ABCF2: variants seen among roughly 807,000 people sequenced by gnomAD.
The protein encoded by ABCF2 is ATP-binding cassette sub-family F member 2.
A neutral mutation model predicts 76.9 loss-of-function variants in ABCF2; 37 were observed. That is an observed-to-expected ratio of 0.48 (90% CI 0.37 to 0.63). The LOEUF is 0.63. ABCF2 is among the 30% of genes least tolerant of loss of function. The pLI, the probability that ABCF2 is intolerant of heterozygous loss-of-function variation, is 0.00. For synonymous variants in ABCF2, 299 were observed against 283.7 expected, an observed-to-expected ratio of 1.05 and a Z score of -0.54; for missense variants, 524 against 782.1, an observed-to-expected ratio of 0.67 and a Z score of 3.94.
At position 151,216,483 on chromosome 7, in the gene ABCF2, T is replaced by A. The variant is rs552596236; in HGVS notation, c.1339-454A>T. On this transcript the variant is annotated intron_variant, in intron 11 of 14. Transcript: ENST00000287844. ...AACAAGAATTAGGTTCCTGCAGCAT[T>A]TTTGGTCACAAAAAAAGATCACCAA... Among the ~76,000 whole-genome samples the A allele has an allele frequency of 2.0e-5, 3 of 152,314 alleles. No homozygotes were observed. In the East Asian group the frequency reaches 5.8e-4, roughly 29 times the overall value.
rs1319453943 is a variant in ABCF2, at chr7:151,218,204, T to C, written c.1228-13A>G. The C allele has an allele frequency of 1.9e-6, 3 of 1,564,370 alleles. No individual in the cohort carries two copies. Among genetic ancestry groups the C allele is most frequent in the Non-Finnish European group, 2.6e-6 (3 of 1,135,032 alleles). On this transcript the variant is annotated splice_polypyrimidine_tract_variant and intron_variant, in intron 10 of 14. Coordinates refer to ENST00000287844, the MANE Select transcript of ABCF2 (RefSeq NM_007189.3). ...TGTAGATGCAAGGCTGAGGTGGGGA[T>C]GAGAGAGATGTGGACACAAGGCTAG...
At position 151,214,026 on chromosome 7, in the gene ABCF2, G is replaced by A. The variant is rs559954525; in HGVS notation, c.*28C>T. ...TAGCAGCTGTTAGTTCCCAGATGGA[G>A]CTCCTGACCCGAACCCAGGTAGAGG... is the stretch of plus-strand genomic sequence containing the variant. On this transcript the variant is annotated 3_prime_UTR_variant, in exon 15 of 15. Coordinates refer to ENST00000287844, the MANE Select transcript of ABCF2 (RefSeq NM_007189.3). The surrounding 1 kb of genome is among the most constrained non-coding windows in gnomAD (Gnocchi z 4.9). 5 of 1,610,448 alleles carry A rather than the reference G, an allele frequency of 3.1e-6. No individual in the cohort carries two copies. In the Admixed American group the frequency reaches 6.7e-5, roughly 22 times the overall value.
intron 3 of ABCF2, among the ~76,000 whole-genome samples, chr7:151,224,444 C>G (rs1207022600): frequency 6.6e-6 from 1 of 152,130 alleles, no homozygotes. Context: ...GCTCCAAAAT[C>G]CAAAACCTTT....
Position 151,218,648 on chromosome 7 carries a change from T to C in ABCF2, c.1140A>G (p.Thr380=), listed in dbSNP as rs1330880706. Residue 380 remains threonine, a splice_region_variant and synonymous_variant, in exon 10 of 15, where the codon ACA becomes ACG. Transcript: ENST00000287844. ...CACATGGTGGGAAATAAAATGACAG[T>C]GTCTAGGAAGAAAAGAGGGCATTTA... The part of the protein sequence containing the change: ...GLTERVVSDK[T]LSFYFPPCGK... The C allele has an allele frequency of 1.2e-6, 2 of 1,614,046 alleles. No individual in the cohort carries two copies. The highest frequency in any genetic ancestry group is 1.7e-6 in the Non-Finnish European group (2 of 1,179,966).
chr7:151,214,567 A>G lies in ABCF2; in HGVS notation c.1734+312T>C, dbSNP rs975591466. ...TAATCAAAATCCTCCTTAGAATACT[A>G]TTTTTGGACTGAAGAATCTTGGGAC... On this transcript the variant is annotated intron_variant, in intron 14 of 14. Transcript: ENST00000287844. This position sits in a 1 kb window ranked among gnomAD's most constrained non-coding sequence, Gnocchi z 4.9. 6.6e-6 allele frequency among the ~76,000 whole-genome samples: 1 copy of G among 152,150 alleles called. No individual in the cohort carries two copies. Among genetic ancestry groups the G allele is most frequent in the African/African-American group, 2.4e-5 (1 of 41,436 alleles).
Position 151,214,771 on chromosome 7 carries a change from C to G in ABCF2, c.1734+108G>C. 1 of 1,077,898 alleles carries G rather than the reference C, an allele frequency of 9.3e-7. No individual in the cohort carries two copies. Among genetic ancestry groups the G allele is most frequent in the Non-Finnish European group, 1.4e-6 (1 of 724,242 alleles). 66.8% of individuals were successfully genotyped at this position (1,077,898 alleles called of 1,614,324 possible). A position where few individuals can be genotyped will look rare whatever the true frequency, so the allele number is the denominator to read the frequency against. ...CCACCTGTGTCTACACTCTGAGCCC[C>G]TTCTCTTAATTCAGTAGGCGGGTAT... On this transcript the variant is annotated intron_variant, in intron 14 of 14. Transcript: ENST00000287844. The surrounding 1 kb of genome is among the most constrained non-coding windows in gnomAD (Gnocchi z 4.9).
intron 2 of ABCF2, among the ~76,000 whole-genome samples, chr7:151,225,261 C>T (rs918961982): frequency 6.6e-6 from 1 of 152,168 alleles, no homozygotes; most frequent in Non-Finnish European, 1.5e-5. Flanking sequence ...CTTTATTGCT[C>T]TTTCTAATTG....
rs923247421 is a variant in ABCF2, at chr7:151,219,141, C to A, written c.940G>T (p.Val314Leu). The change falls in exon 8 of 15, where the codon GTG (valine) becomes TTG (leucine). Residue 314 changes from valine (V) to leucine (L), a missense_variant. Val to Leu is a conservative substitution (Grantham distance 32). Transcript: ENST00000287844. ...KYYTGNYDQY[V>L]KTRLELEENQ... ...TCCTCCAGCTCTAGCCGCGTCTTCA[C>A]GTACTGATCATAATTACCCTGCATG... is the stretch of plus-strand genomic sequence containing the variant. 6.2e-7 allele frequency: 1 copy of A among 1,613,962 alleles called. No individual in the cohort carries two copies. Among genetic ancestry groups the A allele is most frequent in the East Asian group, 2.2e-5 (1 of 44,854 alleles).
At chr7:151,224,692 AAC>A in intron 3 of ABCF2, 82 bp downstream of exon 3, 2 of 1,314,286 alleles carry the variant, frequency 1.5e-6, no homozygotes, top group Non-Finnish European at 2.2e-6. Flanking sequence ...CTTTGCTCTG[AAC>A]ACAGTTGATG....
At chr7:151,217,783 C>T (rs1258778697) in intron 11 of ABCF2, among the ~76,000 whole-genome samples, 2 of 150,306 alleles carry the variant, frequency 1.3e-5, no homozygotes, top group African/African-American at 5.0e-5. Flanking sequence ...CAGAGCGAGA[C>T]TCCACCTCAA....
At position 151,221,634 on chromosome 7, in the gene ABCF2, T is replaced by G. The variant is rs1222448643; in HGVS notation, c.865A>C (p.Asn289His). 1 of 1,613,024 alleles carries G rather than the reference T, an allele frequency of 6.2e-7. No homozygotes were observed. The highest frequency in any genetic ancestry group is 1.1e-5 in the South Asian group (1 of 91,064). The change falls in exon 7 of 15, where the codon AAT (asparagine) becomes CAT (histidine). Residue 289 changes from asparagine to histidine, a missense_variant. Around this residue, in one of 2 missense-constraint regions of ABCF2, gnomAD observed 330 missense variants for 433.6 expected, o/e 0.76. Coordinates refer to ENST00000287844, the MANE Select transcript of ABCF2 (RefSeq NM_007189.3). ...TGAATGATATTGGTACAGACACCAT[T>G]CAGAAAATCCTGGGAATGGGAGACG... ...VLVSHSQDFL[N>H]GVCTNIIHMH... is the part of the protein sequence containing the mutation.
At chr7:151,221,098 G>A (rs1802256803) in intron 7 of ABCF2, among the ~76,000 whole-genome samples, 2 of 152,244 alleles carry the variant, frequency 1.3e-5, no homozygotes, top group African/African-American at 4.8e-5. Context: ...CATGGCCTAT[G>A]GCCTGAAAGC....
rs1368133909 is a variant in ABCF2 at position 151,211,833 on chromosome 7, C to T, written c.*2221G>A. Reference sequence around the variant, plus strand: ...AAGGCATAAAGCAGTCAAGCCAGTACCCTCTGGGGTCAGAGGACTCCCATC... The same window carrying T: ...AAGGCATAAAGCAGTCAAGCCAGTATCCTCTGGGGTCAGAGGACTCCCATC... On this transcript the variant is annotated 3_prime_UTR_variant, in exon 15 of 15. Coordinates refer to ENST00000287844, the MANE Select transcript of ABCF2 (RefSeq NM_007189.3). 5.1e-6 allele frequency: 5 copies of T among 985,304 alleles called. No homozygotes were observed. The highest frequency in any genetic ancestry group is 6.0e-6 in the Non-Finnish European group (5 of 829,930). 61.0% of individuals were successfully genotyped at this position (985,304 alleles called of 1,614,324 possible).
chr7:151,227,173 T>G lies in ABCF2; in HGVS notation c.-53A>C, dbSNP rs1393457280. 6.6e-6 allele frequency: 1 copy of G among 152,310 alleles called. No individual in the cohort carries two copies. Among genetic ancestry groups the G allele is most frequent in the Non-Finnish European group, 1.5e-5 (1 of 68,122 alleles). 9.4% of individuals were successfully genotyped at this position (152,310 alleles called of 1,614,324 possible). A position where few individuals can be genotyped will look rare whatever the true frequency, so the allele number is the denominator to read the frequency against. On this transcript the variant is annotated 5_prime_UTR_variant, in exon 1 of 15. Transcript: ENST00000287844. Reference sequence around the variant, plus strand: ...CTTCCCCTAACTCACTGGGCCTCGCTGCTCGGCCTATGTCGCAACAGAGCT... The same window carrying G: ...CTTCCCCTAACTCACTGGGCCTCGCGGCTCGGCCTATGTCGCAACAGAGCT...
chr7:151,226,985 C>G (rs1289946672), intron 1 of ABCF2, 178 bp downstream of exon 1: 2 of 152,938 alleles, frequency 1.3e-5, no homozygotes, highest in Non-Finnish European at 2.9e-5. Flanking sequence ...CCCTCCGAGT[C>G]TCCACGCTCG....
intron 5 of ABCF2, among the ~76,000 whole-genome samples, chr7:151,223,075 G>A (rs1472540226): frequency 6.6e-6 from 1 of 152,174 alleles, no homozygotes; most frequent in Non-Finnish European, 1.5e-5. Flanking sequence ...AGCTCCTTGG[G>A]TGAACCGGAG....
chr7:151,215,540 C>T lies in ABCF2; in HGVS notation c.1530+64G>A. ...AACCCAGGCTGCCAGGACAGTATCC[C>T]CTGACCCACCCAGCCACAGTCTGCC... On this transcript the variant is annotated intron_variant, in intron 13 of 14. Transcript: ENST00000287844. This position sits in a 1 kb window ranked among gnomAD's most constrained non-coding sequence, Gnocchi z 4.6. 6.2e-7 allele frequency: 1 copy of T among 1,600,148 alleles called. No homozygotes were observed. The highest frequency in any genetic ancestry group is 8.5e-7 in the Non-Finnish European group (1 of 1,173,518).
chr7:151,225,526 C>G (rs555895709), intron 2 of ABCF2, among the ~76,000 whole-genome samples: 2 of 152,312 alleles, frequency 1.3e-5, no homozygotes, highest in South Asian at 2.1e-4. Context: ...GACTGAGAGA[C>G]GCTTCATTAT....
At position 151,211,746 on chromosome 7, in the gene ABCF2, G is replaced by A. The variant is rs1802048673; in HGVS notation, c.*2308C>T. 1 of 985,204 alleles carries A rather than the reference G, an allele frequency of 1.0e-6. No homozygotes were observed. The highest frequency in any genetic ancestry group is 1.7e-5 in the African/African-American group (1 of 57,184). 61.0% of individuals were successfully genotyped at this position (985,204 alleles called of 1,614,324 possible). On this transcript the variant is annotated 3_prime_UTR_variant, in exon 15 of 15. Transcript: ENST00000287844. ...CACTCTCCAGATGCCATTCTCCCCT[G>A]AACCAAGGCTCTGGACTCTCAGGAC...
Sources: allele counts gnomAD v4.1 joint callset (sites outside exome capture counted in the v4.1 genomes callset), GRCh38; gene constraint gnomAD v4.1.1; regional missense constraint gnomAD v4.1.1; non-coding constraint Gnocchi (gnomAD v3.1); transcripts MANE v1.5; gene names NCBI Gene and HGNC (gene_info 2026-07-23, HGNC 2026-07-21).